Variants in PAM observed in about 807,000 individuals in gnomAD.
PAM encodes peptidyl-glycine alpha-amidating monooxygenase.
A neutral mutation model predicts 122.1 loss-of-function variants in PAM; 72 were observed. The ratio of observed to expected loss-of-function variants is 0.59; its 90% CI spans 0.49 to 0.72. The LOEUF (loss-of-function observed/expected upper bound fraction) is 0.72. PAM is among the 30% of genes least tolerant of loss of function. The probability of loss-of-function intolerance (pLI) is 0.00; values close to 1 mark genes in which losing one functional copy is unlikely to be tolerated. For missense variants in PAM, 1,106 were observed against 1,183.7 expected (o/e 0.93, Z 0.96); for synonymous variants, 389 against 404.4 (o/e 0.96, Z 0.46).
At chr5:102,777,705 A>G (rs1757543487) in intron 1 of PAM, among the ~76,000 whole-genome samples, 1 of 152,090 alleles carries the variant, frequency 6.6e-6, no homozygotes, top group South Asian at 2.1e-4. Context: ...AGGAACATGG[A>G]ATGTCACCAT....
intron 1 of PAM, among the ~76,000 whole-genome samples, chr5:102,763,820 G>T (rs1289280069): frequency 6.6e-6 from 1 of 152,220 alleles, no homozygotes; most frequent in Non-Finnish European, 1.5e-5. Context: ...AAAGGGTCTT[G>T]CTGGCCACAT....
intron 3 of PAM, among the ~76,000 whole-genome samples, chr5:102,882,691 C>T (rs1233471684): frequency 6.6e-6 from 1 of 151,920 alleles, no homozygotes; most frequent in Non-Finnish European, 1.5e-5. Flanking sequence ...ATGCTGATTA[C>T]TTCTTTTGCT....
intron 14 of PAM, among the ~76,000 whole-genome samples, chr5:102,970,981 AT>A (rs1378919651): frequency 1.3e-5 from 2 of 151,974 alleles, no homozygotes; most frequent in Non-Finnish European, 1.5e-5. Flanking sequence ...TAATTTTTGT[AT>A]TTTTAGTAGA....
chr5:103,005,049 T>C (rs1778547717), intron 17 of PAM, 105 bp from the exon 18 acceptor site: 5 of 670,906 alleles, frequency 7.5e-6, no homozygotes, highest in Admixed American at 2.4e-5. Flanking sequence ...TATACATTTA[T>C]CAATTTATAA....
At chr5:102,826,469 C>G (rs999612584) in intron 1 of PAM, among the ~76,000 whole-genome samples, 1 of 152,058 alleles carries the variant, frequency 6.6e-6, no homozygotes, top group Non-Finnish European at 1.5e-5. Context: ...AACCGAGGAG[C>G]TTGTATGACT....
At chr5:102,992,157 G>A (rs1774272053) in intron 16 of PAM, among the ~76,000 whole-genome samples, 1 of 152,126 alleles carries the variant, frequency 6.6e-6, no homozygotes, top group Non-Finnish European at 1.5e-5. Context: ...CTAGCATCTA[G>A]GTAACCAGGA....
chr5:102,835,766 T>C (rs1223998252), intron 1 of PAM, among the ~76,000 whole-genome samples: 1 of 152,116 alleles, frequency 6.6e-6, no homozygotes, highest in Non-Finnish European at 1.5e-5. Flanking sequence ...TCAAGTTATG[T>C]CAAAGAAAAT....
At chr5:103,021,907 A>G (rs1783659733) in intron 23 of PAM, among the ~76,000 whole-genome samples, 1 of 152,144 alleles carries the variant, frequency 6.6e-6, no homozygotes. Context: ...GATAACACTT[A>G]TCCCTACTAT....
intron 24 of PAM, among the ~76,000 whole-genome samples, chr5:103,027,359 CTA>C (rs1227768233): frequency 3.3e-5 from 5 of 152,170 alleles, no homozygotes; most frequent in Non-Finnish European, 7.3e-5. Context: ...CTCATCTGCG[CTA>C]TCTTTTTCCA....
In PAM at chr5:102,909,841, CA is replaced by C. The variant is rs941211836; in HGVS notation, c.269-4092del. 1.2e-3 allele frequency among the ~76,000 whole-genome samples: 182 copies of C among 151,726 alleles called. 1 individual carries two copies. Among genetic ancestry groups the C allele is most frequent in the Non-Finnish European group, 1.1e-3 (74 of 67,842 alleles). ...AAGTTAACAATAGTTATCCCTAATACATACAAGCAACAATTCTAGAATGCCA... is the reference window on the plus strand; with the variant it reads ...AAGTTAACAATAGTTATCCCTAATACTACAAGCAACAATTCTAGAATGCCA... On this transcript the variant is annotated intron_variant, in intron 4 of 25. Transcript: ENST00000438793.
At chr5:102,842,226 A>ATC (rs1297606316) in intron 1 of PAM, among the ~76,000 whole-genome samples, 41 of 151,438 alleles carry the variant, frequency 2.7e-4, no homozygotes, top group African/African-American at 9.2e-4. Flanking sequence ...ATATATATAT[A>ATC]TCTCCACATA....
intron 4 of PAM, among the ~76,000 whole-genome samples, chr5:102,913,567 T>C (rs910457177): frequency 6.6e-6 from 1 of 151,980 alleles, no homozygotes; most frequent in African/African-American, 2.4e-5. Flanking sequence ...TGTTGAGCAG[T>C]GTTTTATGAT....
chr5:102,794,927 C>T (rs879721403), intron 1 of PAM, among the ~76,000 whole-genome samples: 2 of 151,420 alleles, frequency 1.3e-5, no homozygotes, highest in African/African-American at 2.4e-5. Context: ...CGGTGGCTCA[C>T]ACCTGTAATC....
chr5:102,994,388 C>T (rs1357616008), intron 16 of PAM, among the ~76,000 whole-genome samples: 2 of 152,124 alleles, frequency 1.3e-5, no homozygotes, highest in Admixed American at 1.3e-4. Context: ...TTATCTTTTG[C>T]AAACTGAATA....
At chr5:102,863,863 T>A (rs1784805893) in intron 1 of PAM, among the ~76,000 whole-genome samples, 1 of 151,340 alleles carries the variant, frequency 6.6e-6, no homozygotes, top group African/African-American at 2.4e-5. Flanking sequence ...TAATTAGCTT[T>A]CATTTTTATA....
chr5:102,956,219 A>G (rs1029124461), intron 12 of PAM, among the ~76,000 whole-genome samples: 9 of 152,114 alleles, frequency 5.9e-5, no homozygotes, highest in Non-Finnish European at 1.3e-4. Context: ...TGTAAAGGCA[A>G]ACACATTTAT....
intron 1 of PAM, among the ~76,000 whole-genome samples, chr5:102,840,221 G>A: frequency 6.6e-6 from 1 of 152,024 alleles, no homozygotes; most frequent in Non-Finnish European, 1.5e-5. Context: ...TGCTTAAAAG[G>A]CAAGAAAGGT....
intron 1 of PAM, among the ~76,000 whole-genome samples, chr5:102,802,778 TATG>T (rs1259719644): frequency 6.6e-6 from 1 of 152,186 alleles, no homozygotes; most frequent in African/African-American, 2.4e-5. Flanking sequence ...TATTATTAAT[TATG>T]ATAACTACCG....
chr5:103,007,654 C>A lies in PAM; in HGVS notation c.2212C>A (p.Pro738Thr), dbSNP rs1344291819. ...AAATGTATTTGCAATTTCATATATA[C>A]CAGGTATTTCATCTTAATATGTTTG... is the stretch of plus-strand genomic sequence containing the variant. ...GRNVFAISYIPGLLFAVNGKP... is the reference protein window; with the variant it reads ...GRNVFAISYITGLLFAVNGKP... Residue 738 changes from proline to threonine, a missense_variant, in exon 20 of 26, where the codon CCA (proline) becomes ACA (threonine). Coordinates refer to ENST00000438793, the MANE Select transcript of PAM (RefSeq NM_001177306.2). 5.1e-6 allele frequency: 8 copies of A among 1,554,808 alleles called. No individual in the cohort carries two copies. The South Asian group carries it at 7.8e-5, about 15-fold the overall frequency.
Sources: allele counts gnomAD v4.1 joint callset (sites outside exome capture counted in the v4.1 genomes callset), GRCh38; gene constraint gnomAD v4.1.1; transcripts MANE v1.5; gene names NCBI Gene and HGNC (gene_info 2026-07-23, HGNC 2026-07-21).